Variants in DNAH14 observed in about 807,000 individuals in gnomAD.
The protein encoded by DNAH14 is axonemal beta dynein heavy chain 14.
A neutral mutation model predicts 520.9 loss-of-function variants in DNAH14; 478 were observed. The observed-to-expected ratio is 0.92, with a 90% confidence interval of 0.85 to 0.99. The LOEUF is 0.99. Among genes scored for constraint, DNAH14 ranks in the 50% least tolerant of loss-of-function variants. The pLI, the probability that DNAH14 is intolerant of heterozygous loss-of-function variation, is 0.00. For missense variants in DNAH14, 4,831 were observed against 5,234.5 expected, an observed-to-expected ratio of 0.92 and a Z score of 2.38; for synonymous variants, 1,581 against 1,757.2, an observed-to-expected ratio of 0.90 and a Z score of 2.51.
chr1:225,350,433 T>C (rs1272509042), intron 71 of DNAH14, among the ~76,000 whole-genome samples: 1 of 150,818 alleles, frequency 6.6e-6, no homozygotes, highest in African/African-American at 2.4e-5. Context: ...ATAAACAAAA[T>C]AGAGAATAGA....
intron 23 of DNAH14, among the ~76,000 whole-genome samples, chr1:225,114,858 G>C (rs1315497518): frequency 6.6e-6 from 1 of 152,098 alleles, no homozygotes; most frequent in African/African-American, 2.4e-5. Flanking sequence ...GTGGGGGAAG[G>C]GTGGCTTCAG....
chr1:225,264,687 A>G (rs2093052427), intron 47 of DNAH14, among the ~76,000 whole-genome samples: 1 of 152,020 alleles, frequency 6.6e-6, no homozygotes, highest in South Asian at 2.1e-4. Context: ...GAAAATTCTG[A>G]CTCTCTAGTT....
intron 27 of DNAH14, among the ~76,000 whole-genome samples, chr1:225,128,714 T>C (rs2078048842): frequency 6.6e-6 from 1 of 152,186 alleles, no homozygotes; most frequent in Non-Finnish European, 1.5e-5. Flanking sequence ...AATATCGTAC[T>C]GAATGGGCAA....
At chr1:225,342,329 C>T (rs963556753) in intron 69 of DNAH14, among the ~76,000 whole-genome samples, 2 of 151,984 alleles carry the variant, frequency 1.3e-5, no homozygotes, top group African/African-American at 2.4e-5. Context: ...GAATTAAAAA[C>T]AAAACAAATA....
chr1:225,103,975 C>T (rs994369174), intron 23 of DNAH14, among the ~76,000 whole-genome samples: 22 of 147,048 alleles, frequency 1.5e-4, no homozygotes, highest in African/African-American at 5.5e-4. Flanking sequence ...TGCCAGTTTT[C>T]AAAGGGAATG....
rs1307056426 is a variant in DNAH14, at chr1:225,232,565, C to T, written c.6518+1414C>T. Reference sequence around the variant, plus strand: ...TCCAGATTCATCTCCTAATCTCTTGCTCTGATTGTGCTTCAGTGACACTTG... The same window carrying T: ...TCCAGATTCATCTCCTAATCTCTTGTTCTGATTGTGCTTCAGTGACACTTG... On this transcript the variant is annotated intron_variant, in intron 42 of 85. Coordinates refer to ENST00000682510, the MANE Select transcript of DNAH14 (RefSeq NM_001367479.1). The surrounding 1 kb of genome is among the most constrained non-coding windows in gnomAD (Gnocchi z 4.2). Among the ~76,000 whole-genome samples, 1 of 152,182 alleles carries T rather than the reference C, an allele frequency of 6.6e-6. No homozygotes were observed. The highest frequency in any genetic ancestry group is 1.5e-5 in the Non-Finnish European group (1 of 68,040).
intron 37 of DNAH14, among the ~76,000 whole-genome samples, chr1:225,185,944 T>TTG (rs1222670030): frequency 7.3e-5 from 7 of 96,204 alleles, no homozygotes; most frequent in African/African-American, 2.1e-4. Context: ...GCATTACACT[T>TTG]TGTTTTTTTT....
chr1:225,004,817 G>A (rs1216584920), intron 9 of DNAH14, among the ~76,000 whole-genome samples: 2 of 152,158 alleles, frequency 1.3e-5, no homozygotes, highest in Non-Finnish European at 2.9e-5. Flanking sequence ...GACTGACAAC[G>A]AGGATGTAAG....
intron 23 of DNAH14, among the ~76,000 whole-genome samples, chr1:225,116,662 G>C (rs1223614807): frequency 6.6e-6 from 1 of 152,180 alleles, no homozygotes; most frequent in African/African-American, 2.4e-5. Context: ...AGTAGGAAAA[G>C]TGATGAGGTT....
At chr1:225,019,824 A>G (rs1359079619) in intron 10 of DNAH14, among the ~76,000 whole-genome samples, 1 of 152,214 alleles carries the variant, frequency 6.6e-6, no homozygotes, top group African/African-American at 2.4e-5. Context: ...TAACAGACAC[A>G]ACATACCAGA....
Position 225,318,648 on chromosome 1 carries a change from C to T in DNAH14, c.9306C>T (p.Ala3102=). 1.3e-6 allele frequency: 2 copies of T among 1,550,088 alleles called. No homozygotes were observed. Among genetic ancestry groups the T allele is most frequent in the South Asian group, 2.4e-5 (2 of 83,492 alleles). ...AFDKAIVALN[A]LDKADVAELR... ...ACAAGGCAATTGTGGCTCTGAATGC[C>T]CTGGATAAAGCTGATGTCGCTGAAT... Residue 3102 remains alanine (A), a synonymous_variant, in exon 61 of 86, where the codon GCC becomes GCT. Transcript: ENST00000682510.
intron 22 of DNAH14, among the ~76,000 whole-genome samples, chr1:225,099,403 ATTTTTTTACCTC>A (rs1271582291): frequency 1.1e-4 from 16 of 152,072 alleles, no homozygotes; most frequent in Non-Finnish European, 2.1e-4. Context: ...ACCAGCGGTA[ATTTTTTTACCTC>A]TGGGAGTCAT....
At chr1:225,315,334 T>C (rs1018102020) in intron 60 of DNAH14, among the ~76,000 whole-genome samples, 1 of 151,934 alleles carries the variant, frequency 6.6e-6, no homozygotes, top group Non-Finnish European at 1.5e-5. Context: ...AGTTAGCAAT[T>C]CCTCTAATCT....
At chr1:225,123,111 A>G (rs893159733) in intron 26 of DNAH14, among the ~76,000 whole-genome samples, 2 of 152,180 alleles carry the variant, frequency 1.3e-5, no homozygotes, top group Admixed American at 6.5e-5. Context: ...CATGAATCCT[A>G]TTCTGTCCAT....
At chr1:225,019,086 T>C (rs1463024409) in intron 10 of DNAH14, among the ~76,000 whole-genome samples, 1 of 152,220 alleles carries the variant, frequency 6.6e-6, no homozygotes, top group Admixed American at 6.5e-5. Flanking sequence ...ACCTTGAATG[T>C]AAATGGGCTA....
chr1:225,149,379 T>C (rs967303478), intron 31 of DNAH14, among the ~76,000 whole-genome samples: 3 of 152,230 alleles, frequency 2.0e-5, no homozygotes, highest in Non-Finnish European at 4.4e-5. Flanking sequence ...TCCAGCCTTA[T>C]TCTTTTTGGT....
intron 69 of DNAH14, among the ~76,000 whole-genome samples, chr1:225,341,752 T>A (rs2095186025): frequency 6.6e-6 from 1 of 152,180 alleles, no homozygotes; most frequent in Non-Finnish European, 1.5e-5. Context: ...GAAACCACAA[T>A]CTTTACTGCA....
chr1:225,262,762 T>C (rs1320279477), intron 46 of DNAH14, among the ~76,000 whole-genome samples: 1 of 152,136 alleles, frequency 6.6e-6, no homozygotes, highest in Non-Finnish European at 1.5e-5. Flanking sequence ...TATTATAATC[T>C]GAAGTTGGGT....
chr1:225,101,727 A>T (rs561748625), intron 23 of DNAH14, among the ~76,000 whole-genome samples: 1 of 152,136 alleles, frequency 6.6e-6, no homozygotes, highest in African/African-American at 2.4e-5. Context: ...TCCATTTTGT[A>T]TATATACCAC....
Sources: gnomAD v4.1 joint callset for allele counts (sites outside exome capture counted in the v4.1 genomes callset) on GRCh38, gnomAD v4.1.1 for gene constraint, Gnocchi (gnomAD v3.1) non-coding constraint, MANE v1.5 for transcripts, NCBI Gene and HGNC (gene_info 2026-07-23, HGNC 2026-07-21) for gene names.